SKAP2: variants seen among roughly 807,000 people sequenced by gnomAD.
The protein encoded by SKAP2 is src kinase associated phosphoprotein 2, also known as src kinase-associated phosphoprotein 2.
A neutral mutation model predicts 54.9 loss-of-function variants in SKAP2; 28 were observed. That is an observed-to-expected ratio of 0.51 (90% CI 0.38 to 0.70). SKAP2 has a LOEUF of 0.70. SKAP2 is among the 30% of genes least tolerant of loss of function. The probability of loss-of-function intolerance (pLI) is 0.00; values close to 1 mark genes in which losing one functional copy is unlikely to be tolerated. For missense variants in SKAP2, 356 were observed against 424.1 expected, an observed-to-expected ratio of 0.84 and a Z score of 1.41; for synonymous variants, 137 against 134.3, an observed-to-expected ratio of 1.02 and a Z score of -0.14.
Position 26,670,311 on chromosome 7 carries a change from A to T in SKAP2, c.988-119T>A, listed in dbSNP as rs1786201524. On this transcript the variant is annotated intron_variant, in intron 11 of 12. Transcript: ENST00000345317. ...AAAGTTAAAAGAGCTTGAGCTGCAA[A>T]TGTAAACATTTTCATCTTTTTGTTT... is the stretch of plus-strand genomic sequence containing the variant. The T allele has an allele frequency of 1.2e-5, 7 of 579,086 alleles. No homozygotes were observed. In the South Asian group the frequency reaches 1.6e-4, roughly 13 times the overall value. The allele number at this position is 579,086 out of a possible 1,614,324, so 35.9% of individuals were successfully genotyped here.
intron 4 of SKAP2, among the ~76,000 whole-genome samples, chr7:26,796,242 A>G (rs1226631531): frequency 6.6e-6 from 1 of 152,228 alleles, no homozygotes; most frequent in Admixed American, 6.5e-5. Flanking sequence ...TAACTGTAGT[A>G]TATCCTGTCC....
At chr7:26,727,677 T>G (rs1354966924) in intron 6 of SKAP2, among the ~76,000 whole-genome samples, 1 of 152,102 alleles carries the variant, frequency 6.6e-6, no homozygotes, top group Non-Finnish European at 1.5e-5. Context: ...AAAGCACATT[T>G]GAATCTCACA....
chr7:26,844,259 G>C, intron 3 of SKAP2, 122 bp from the exon 4 acceptor site: 1 of 606,196 alleles, frequency 1.6e-6, no homozygotes. Context: ...TTGAGTCATT[G>C]TCATGGAAAA....
rs144397139 is a variant in SKAP2 at position 26,806,135 on chromosome 7, T to G, written c.307+37895A>C. Among the ~76,000 whole-genome samples the G allele has an allele frequency of 3.0e-3, 456 of 152,346 alleles. 1 individual carries two copies. Among genetic ancestry groups the G allele is most frequent in the Middle Eastern group, 0.01 (3 of 294 alleles). On this transcript the variant is annotated intron_variant, in intron 4 of 12. Coordinates refer to ENST00000345317, the MANE Select transcript of SKAP2 (RefSeq NM_003930.5). ...TTTTGATTGTTCCACTGACTGACTC[T>G]TCCCCTTGTCTCTCTCCCTCTCCTT... is the stretch of plus-strand genomic sequence containing the variant.
At chr7:26,791,787 T>C (rs1017612038) in intron 4 of SKAP2, among the ~76,000 whole-genome samples, 1 of 152,192 alleles carries the variant, frequency 6.6e-6, no homozygotes, top group Non-Finnish European at 1.5e-5. Context: ...GGTATAGCTA[T>C]TGCGGAAAAC....
intron 4 of SKAP2, among the ~76,000 whole-genome samples, chr7:26,750,568 C>A (rs1019090487): frequency 1.4e-4 from 21 of 152,116 alleles, no homozygotes; most frequent in Non-Finnish European, 1.6e-4. Context: ...ACCTTGGCCT[C>A]CCAAAGTGCT....
rs142372921 is a variant in SKAP2 at position 26,850,336 on chromosome 7, T to C, written c.199+3801A>G. On this transcript the variant is annotated intron_variant, in intron 3 of 12. Coordinates refer to ENST00000345317, the MANE Select transcript of SKAP2 (RefSeq NM_003930.5). Reference sequence around the variant, plus strand: ...GACTCATGCCTGTAAGTCCCAGCACTTTGGGAGGCCAAGGCGGGTGGTCTC... The same window carrying C: ...GACTCATGCCTGTAAGTCCCAGCACCTTGGGAGGCCAAGGCGGGTGGTCTC... Among the ~76,000 whole-genome samples, 332 of 152,210 alleles carry C rather than the reference T, an allele frequency of 2.2e-3. 1 individual carries two copies. The highest frequency in any genetic ancestry group is 7.7e-3 in the African/African-American group (318 of 41,528).
chr7:26,836,904 A>C (rs1335670155), intron 4 of SKAP2, among the ~76,000 whole-genome samples: 1 of 152,226 alleles, frequency 6.6e-6, no homozygotes, highest in Non-Finnish European at 1.5e-5. Flanking sequence ...TTATCACAGC[A>C]CTGTTCACAA....
At chr7:26,687,029 T>C (rs1483530563) in intron 10 of SKAP2, among the ~76,000 whole-genome samples, 1 of 151,978 alleles carries the variant, frequency 6.6e-6, no homozygotes, top group African/African-American at 2.4e-5. Flanking sequence ...TGCTCTTCCT[T>C]TTTTTCAGAT....
downstream of SKAP2, among the ~76,000 whole-genome samples, chr7:26,664,652 C>G (rs1018274369): frequency 2.5e-4 from 36 of 145,664 alleles, no homozygotes; most frequent in Non-Finnish European, 4.5e-5. Context: ...AAGTTGAGGC[C>G]AATAAACAGA....
At chr7:26,776,150 C>T (rs1783303081) in intron 4 of SKAP2, among the ~76,000 whole-genome samples, 1 of 152,128 alleles carries the variant, frequency 6.6e-6, no homozygotes, top group Non-Finnish European at 1.5e-5. Flanking sequence ...ACCATTCTCT[C>T]CTGGTCGTTT....
At chr7:26,771,448 A>G (rs1331348202) in intron 4 of SKAP2, among the ~76,000 whole-genome samples, 1 of 152,224 alleles carries the variant, frequency 6.6e-6, no homozygotes, top group African/African-American at 2.4e-5. Flanking sequence ...GATATTCACA[A>G]AGTTATAGTG....
intron 11 of SKAP2, among the ~76,000 whole-genome samples, chr7:26,680,313 T>A (rs2128085931): frequency 6.6e-6 from 1 of 152,312 alleles, no homozygotes; most frequent in East Asian, 1.9e-4. Flanking sequence ...TGGATCCTGC[T>A]ATTAAAATGA....
chr7:26,719,158 G>C (rs1360331175), intron 9 of SKAP2, among the ~76,000 whole-genome samples: 1 of 152,060 alleles, frequency 6.6e-6, no homozygotes, highest in Non-Finnish European at 1.5e-5. Context: ...CTGGGCAACA[G>C]AGCAAGACCC....
chr7:26,854,925 T>C (rs767708713), intron 1 of SKAP2, 35 bp from the exon 2 acceptor site: 6 of 1,430,160 alleles, frequency 4.2e-6, no homozygotes, highest in Non-Finnish European at 5.8e-6. Flanking sequence ...GGATACAAAT[T>C]ATAAGAAATA....
chr7:26,774,789 A>G (rs957165078), intron 4 of SKAP2, among the ~76,000 whole-genome samples: 1 of 152,206 alleles, frequency 6.6e-6, no homozygotes, highest in Non-Finnish European at 1.5e-5. Flanking sequence ...GATAACACCA[A>G]TAATCTAGAT....
intron 10 of SKAP2, 30 bp downstream of exon 10, chr7:26,690,255 G>A (rs750310824): frequency 1.4e-6 from 2 of 1,441,886 alleles, no homozygotes; most frequent in Non-Finnish European, 2.0e-6. Context: ...AGCAAAATAA[G>A]GTTTGCCAAG....
At chr7:26,704,128 G>A (rs1055819473) in intron 9 of SKAP2, among the ~76,000 whole-genome samples, 5 of 152,066 alleles carry the variant, frequency 3.3e-5, no homozygotes, top group South Asian at 2.1e-4. Context: ...ACTGACAATC[G>A]TTTAAAAAAA....
chr7:26,816,202 C>T (rs569256937), intron 4 of SKAP2, among the ~76,000 whole-genome samples: 100 of 152,188 alleles, frequency 6.6e-4, no homozygotes, highest in Middle Eastern at 3.4e-3. Context: ...TCGCAAGACA[C>T]GTTCAAAATC....
Sources: allele counts gnomAD v4.1 joint callset (sites outside exome capture counted in the v4.1 genomes callset), GRCh38; gene constraint gnomAD v4.1.1; transcripts MANE v1.5; gene names NCBI Gene and HGNC (gene_info 2026-07-23, HGNC 2026-07-21).